Variants in TXNRD1 observed in about 807,000 individuals in gnomAD.
TXNRD1 encodes thioredoxin reductase 1.
Under a neutral mutation model 80.3 loss-of-function variants are expected in TXNRD1, and 57 were observed. The observed-to-expected ratio is 0.71, with a 90% CI of 0.57 to 0.89. The LOEUF is 0.89. TXNRD1 is among the 40% of genes least tolerant of loss of function. The pLI is 0.00. For missense variants in TXNRD1, 730 were observed against 803.0 expected, an observed-to-expected ratio of 0.91 and a Z score of 1.10; for synonymous variants, 291 against 285.2, an observed-to-expected ratio of 1.02 and a Z score of -0.20.
intron 10 of TXNRD1, among the ~76,000 whole-genome samples, chr12:104,322,188 G>C (rs1007651105): frequency 6.6e-6 from 1 of 151,882 alleles, no homozygotes; most frequent in Non-Finnish European, 1.5e-5. Context: ...GTAAAATGAG[G>C]TTGAAAATAG....
chr12:104,227,597 T>C (rs758036203), intron 1 of TXNRD1, among the ~76,000 whole-genome samples: 48 of 152,236 alleles, frequency 3.2e-4, no homozygotes, highest in Non-Finnish European at 3.8e-4. Flanking sequence ...TTTTAACATA[T>C]GTATACATGA....
At chr12:104,260,082 C>T (rs189934860) in intron 3 of TXNRD1, among the ~76,000 whole-genome samples, 1 of 152,282 alleles carries the variant, frequency 6.6e-6, no homozygotes, top group African/African-American at 2.4e-5. Flanking sequence ...GCCTGTAATC[C>T]CAGCACTTTG....
intron 15 of TXNRD1, among the ~76,000 whole-genome samples, chr12:104,338,780 G>A (rs1014136419): frequency 1.3e-5 from 2 of 151,730 alleles, no homozygotes; most frequent in East Asian, 2.0e-4. Context: ...GCAGTGGCAC[G>A]ATCTCGGCTC....
chr12:104,248,139 C>T (rs1252096898), intron 1 of TXNRD1, among the ~76,000 whole-genome samples: 1 of 152,160 alleles, frequency 6.6e-6, no homozygotes, highest in Admixed American at 6.6e-5. Context: ...ATGAGGCTAT[C>T]GTCATGTGTC....
At chr12:104,220,470 T>C (rs554391781) in intron 1 of TXNRD1, among the ~76,000 whole-genome samples, 41 of 152,272 alleles carry the variant, frequency 2.7e-4, no homozygotes, top group African/African-American at 9.4e-4. Flanking sequence ...ATGCCTGTAA[T>C]CCCAGCACTT....
At chr12:104,230,058 T>TATAGTAACC (rs1443414728) in intron 1 of TXNRD1, among the ~76,000 whole-genome samples, 3 of 151,896 alleles carry the variant, frequency 2.0e-5, no homozygotes, top group Admixed American at 2.0e-4. Context: ...ATATGGTAAC[T>TATAGTAACC]ATATGTTTAA....
intron 10 of TXNRD1, among the ~76,000 whole-genome samples, chr12:104,324,703 A>G (rs1209864148): frequency 6.6e-6 from 1 of 152,014 alleles, no homozygotes; most frequent in East Asian, 1.9e-4. Context: ...GTTGACATCT[A>G]TTTGTAGTAG....
At chr12:104,311,896 G>T (rs2035146326) in intron 5 of TXNRD1, among the ~76,000 whole-genome samples, 1 of 152,064 alleles carries the variant, frequency 6.6e-6, no homozygotes, top group African/African-American at 2.4e-5. Context: ...CAGGAGAATG[G>T]CTTGAACCTT....
intron 12 of TXNRD1, among the ~76,000 whole-genome samples, chr12:104,326,881 G>T (rs1045247206): frequency 6.6e-6 from 1 of 152,026 alleles, no homozygotes; most frequent in Non-Finnish European, 1.5e-5. Flanking sequence ...TGTCACCCAG[G>T]CTGGAGTGCA....
chr12:104,256,745 A>T (rs1322933391), intron 2 of TXNRD1, among the ~76,000 whole-genome samples: 1 of 144,476 alleles, frequency 6.9e-6, no homozygotes, highest in Non-Finnish European at 1.5e-5. Flanking sequence ...GTGCCACTGC[A>T]CTCCACTGGT....
intron 3 of TXNRD1, among the ~76,000 whole-genome samples, chr12:104,277,982 T>G (rs1032328851): frequency 2.0e-5 from 3 of 151,040 alleles, no homozygotes; most frequent in African/African-American, 7.3e-5. Flanking sequence ...GTTCACTCCA[T>G]TCTCCTGCCT....
At chr12:104,273,363 G>A (rs1406615984) in intron 3 of TXNRD1, among the ~76,000 whole-genome samples, 3 of 152,196 alleles carry the variant, frequency 2.0e-5, no homozygotes, top group Admixed American at 6.5e-5. Flanking sequence ...GGGAGGCGGA[G>A]GTGGGTGGAT....
At chr12:104,220,566 A>C (rs1271772142) in intron 1 of TXNRD1, among the ~76,000 whole-genome samples, 3 of 152,060 alleles carry the variant, frequency 2.0e-5, no homozygotes, top group African/African-American at 7.2e-5. Context: ...TCTACTAAAA[A>C]AATACAAAAT....
chr12:104,260,003 T>C (rs73180115), intron 3 of TXNRD1, among the ~76,000 whole-genome samples: 2,342 of 152,346 alleles, frequency 0.015, 35 homozygotes, highest in Middle Eastern at 0.027. Context: ...CTATATTTTA[T>C]AAATGAGGAA....
At chr12:104,344,919 G>A (rs1484363594) in intron 16 of TXNRD1, among the ~76,000 whole-genome samples, 1 of 152,192 alleles carries the variant, frequency 6.6e-6, no homozygotes, top group Non-Finnish European at 1.5e-5. Context: ...GTTCATAGGA[G>A]GAACTCTTTT....
chr12:104,220,225 G>A (rs547225304), intron 1 of TXNRD1, among the ~76,000 whole-genome samples: 22 of 152,276 alleles, frequency 1.4e-4, no homozygotes, highest in Admixed American at 1.3e-3. Flanking sequence ...ACCAAAGATC[G>A]TGACTGACAT....
intron 1 of TXNRD1, among the ~76,000 whole-genome samples, chr12:104,235,067 G>C (rs2032706925): frequency 6.6e-6 from 1 of 152,192 alleles, no homozygotes; most frequent in African/African-American, 2.4e-5. Flanking sequence ...GAGTCGCAAA[G>C]AAAATGAGCA....
At chr12:104,284,032 T>C (rs2033928712) in intron 3 of TXNRD1, among the ~76,000 whole-genome samples, 1 of 152,178 alleles carries the variant, frequency 6.6e-6, no homozygotes, top group Non-Finnish European at 1.5e-5. Context: ...GCTTGCTGGT[T>C]AAGGGAGTTC....
Position 104,288,986 on chromosome 12 carries a change from G to T in TXNRD1, c.360G>T (p.Leu120=). Residue 120 remains leucine, a synonymous_variant, in exon 4 of 17, where the codon CTG becomes CTT. Coordinates refer to ENST00000525566, the MANE Select transcript of TXNRD1 (RefSeq NM_001093771.3). ...TLSELAAETD[L]PVVFVKQRKI... ...CGGAATTGGCCGCGGAAACCGATCT[G>T]CCCGTTGTGTTTGTGAAACAGAGAA... 2 of 1,614,042 alleles carry T rather than the reference G, an allele frequency of 1.2e-6. No individual in the cohort carries two copies. Among genetic ancestry groups the T allele is most frequent in the Non-Finnish European group, 1.7e-6 (2 of 1,179,882 alleles).
Sources: allele counts gnomAD v4.1 joint callset (sites outside exome capture counted in the v4.1 genomes callset), GRCh38; gene constraint gnomAD v4.1.1; transcripts MANE v1.5; gene names NCBI Gene and HGNC (gene_info 2026-07-23, HGNC 2026-07-21).